The following CADM1 variants were observed in gnomAD, a reference collection of about 807,000 sequenced individuals.
The protein encoded by CADM1 is cell adhesion molecule 1, also known as TSLC-1.
In CADM1, 15 loss-of-function variants were observed where a neutral mutation model predicts 53.1. That is an observed-to-expected ratio of 0.28 (90% CI 0.19 to 0.44). The LOEUF (loss-of-function observed/expected upper bound fraction) is 0.44. CADM1 is among the 20% of genes least tolerant of loss of function. The pLI, the probability that CADM1 is intolerant of heterozygous loss-of-function variation, is 1.00. For synonymous variants in CADM1, 281 were observed against 243.0 expected, an observed-to-expected ratio of 1.16 and a Z score of -1.45; for missense variants, 434 against 611.3, an observed-to-expected ratio of 0.71 and a Z score of 3.06.
At chr11:115,430,009 C>CA (rs1294739713) in intron 1 of CADM1, among the ~76,000 whole-genome samples, 1 of 151,460 alleles carries the variant, frequency 6.6e-6, no homozygotes, top group Non-Finnish European at 1.5e-5. Flanking sequence ...GATTTCTCCA[C>CA]ATTCTACAAT....
chr11:115,307,170 G>A (rs1340146231), intron 1 of CADM1, among the ~76,000 whole-genome samples: 1 of 151,902 alleles, frequency 6.6e-6, no homozygotes, highest in Non-Finnish European at 1.5e-5. Flanking sequence ...GCAAACTTAA[G>A]TTTCCACATT....
chr11:115,183,574 A>G (rs1421350241), intron 10 of CADM1, among the ~76,000 whole-genome samples: 2 of 152,212 alleles, frequency 1.3e-5, no homozygotes, highest in African/African-American at 2.4e-5. Context: ...ACAGAGTCCA[A>G]GGTCAGTCTT....
rs546502736 is a variant in CADM1, at chr11:115,338,065, T to C, written c.125-97645A>G. On this transcript the variant is annotated intron_variant, in intron 1 of 11. Coordinates refer to ENST00000331581, the MANE Select transcript of CADM1 (RefSeq NM_001301043.2). ...GCTCTTCTCAGATGAAGCGAGTAGA[T>C]GAATTGAGAGAAAGTTCACACTTCT... 2.0e-4 allele frequency among the ~76,000 whole-genome samples: 30 copies of C among 152,146 alleles called. No homozygotes were observed. In the South Asian group the frequency reaches 5.9e-3, roughly 30 times the overall value.
At chr11:115,340,843 T>C (rs1591725731) in intron 1 of CADM1, among the ~76,000 whole-genome samples, 2 of 150,484 alleles carry the variant, frequency 1.3e-5, no homozygotes, top group Non-Finnish European at 3.0e-5. Context: ...GTATTTTTAG[T>C]AGAGACGGGG....
intron 1 of CADM1, among the ~76,000 whole-genome samples, chr11:115,248,502 T>A (rs1217551555): frequency 1.3e-5 from 2 of 152,212 alleles, no homozygotes; most frequent in African/African-American, 2.4e-5. Flanking sequence ...AACTTGAAGA[T>A]CTGAATTAGC....
chr11:115,284,382 T>C (rs1020524031), intron 1 of CADM1, among the ~76,000 whole-genome samples: 2 of 151,996 alleles, frequency 1.3e-5, no homozygotes, highest in East Asian at 1.9e-4. Flanking sequence ...AAGGGAACAA[T>C]AGGCTAGCCA....
chr11:115,419,403 T>C (rs1947697573), intron 1 of CADM1, among the ~76,000 whole-genome samples: 1 of 152,214 alleles, frequency 6.6e-6, no homozygotes, highest in Admixed American at 6.5e-5. Flanking sequence ...GAAGATTCTT[T>C]AAAAATCCAA....
At chr11:115,451,158 G>T (rs1276907787) in intron 1 of CADM1, among the ~76,000 whole-genome samples, 1 of 152,190 alleles carries the variant, frequency 6.6e-6, no homozygotes, top group Non-Finnish European at 1.5e-5. Flanking sequence ...AGAGATAGAA[G>T]GGAGGAAAAT....
chr11:115,468,365 C>T lies in CADM1; in HGVS notation c.124+35906G>A, dbSNP rs143074694. Among the ~76,000 whole-genome samples the T allele has an allele frequency of 1.6e-4, 25 of 152,244 alleles. No individual in the cohort carries two copies. The South Asian group carries it at 2.7e-3, about 16-fold the overall frequency. On this transcript the variant is annotated intron_variant, in intron 1 of 11. Coordinates refer to ENST00000331581, the MANE Select transcript of CADM1 (RefSeq NM_001301043.2). ...AAGCTTGAAGATAGTAGATTTGAAGCCTTCTCCAAAATAATGAAGACTCTC... is the reference window on the plus strand; with the variant it reads ...AAGCTTGAAGATAGTAGATTTGAAGTCTTCTCCAAAATAATGAAGACTCTC...
chr11:115,370,467 T>C (rs904909984), intron 1 of CADM1, among the ~76,000 whole-genome samples: 1 of 152,074 alleles, frequency 6.6e-6, no homozygotes, highest in Non-Finnish European at 1.5e-5. Context: ...CATGATGGCA[T>C]TAGTGCCCTT....
chr11:115,232,032 A>AACAACC (rs1211024873), intron 3 of CADM1, among the ~76,000 whole-genome samples: 9 of 152,002 alleles, frequency 5.9e-5, no homozygotes, highest in Middle Eastern at 3.4e-3. Flanking sequence ...CAACAACAAC[A>AACAACC]ACCAATGTCT....
At chr11:115,422,347 G>A (rs911499154) in intron 1 of CADM1, among the ~76,000 whole-genome samples, 1 of 152,110 alleles carries the variant, frequency 6.6e-6, no homozygotes, top group African/African-American at 2.4e-5. Context: ...CGTTTGACCC[G>A]AAGCTGCAGC....
intron 1 of CADM1, among the ~76,000 whole-genome samples, chr11:115,426,743 T>A (rs1416758870): frequency 6.6e-6 from 1 of 151,684 alleles, no homozygotes; most frequent in East Asian, 1.9e-4. Context: ...ACAGCTTGGA[T>A]GGTTTAGCTC....
intron 1 of CADM1, among the ~76,000 whole-genome samples, chr11:115,303,019 T>C (rs1009136163): frequency 6.6e-6 from 1 of 152,038 alleles, no homozygotes; most frequent in Non-Finnish European, 1.5e-5. Flanking sequence ...CTGAGAAAAG[T>C]GCTTTGATGA....
At position 115,169,945 on chromosome 11, in the gene CADM1, C is replaced by T. The variant is rs1425141152; in HGVS notation, c.*6529G>A. ...AAAGGCCTGCATTAGGCTCTTCCAA[C>T]ACCAGCTCTGGAAGACTGAAATATC... On this transcript the variant is annotated 3_prime_UTR_variant, in exon 12 of 12. Coordinates refer to ENST00000331581, the MANE Select transcript of CADM1 (RefSeq NM_001301043.2). The T allele has an allele frequency of 4.7e-6, 1 of 210,626 alleles. No individual in the cohort carries two copies. Among genetic ancestry groups the T allele is most frequent in the Non-Finnish European group, 9.8e-6 (1 of 102,404 alleles). The allele number at this position is 210,626 out of a possible 1,614,324, so 13.0% of individuals were successfully genotyped here.
intron 3 of CADM1, among the ~76,000 whole-genome samples, chr11:115,231,964 C>G (rs1374093643): frequency 6.6e-6 from 1 of 151,550 alleles, no homozygotes; most frequent in Admixed American, 6.6e-5. Context: ...CCAGCCTGGG[C>G]AACAAGAGCG....
intron 10 of CADM1, among the ~76,000 whole-genome samples, chr11:115,189,195 T>C (rs913800708): frequency 2.6e-5 from 4 of 152,170 alleles, no homozygotes; most frequent in African/African-American, 9.7e-5. Flanking sequence ...TGTTGGTTTA[T>C]TGCTTCTGAC....
intron 1 of CADM1, among the ~76,000 whole-genome samples, chr11:115,491,744 C>T (rs1429572158): frequency 6.6e-6 from 1 of 152,134 alleles, no homozygotes; most frequent in Non-Finnish European, 1.5e-5. Context: ...AAATGTGGCA[C>T]ATATATACCA....
intron 2 of CADM1, 51 bp downstream of exon 2, chr11:115,240,223 A>T (rs375032629): frequency 6.3e-7 from 1 of 1,583,626 alleles, no homozygotes. Context: ...TTATCAAGAC[A>T]ACATGTAGGT....
Sources: gnomAD v4.1 joint callset for allele counts (sites outside exome capture counted in the v4.1 genomes callset) on GRCh38, gnomAD v4.1.1 for gene constraint, MANE v1.5 for transcripts, NCBI Gene and HGNC (gene_info 2026-07-23, HGNC 2026-07-21) for gene names.